The following NDRG4 variants were observed in gnomAD, a reference collection of about 807,000 sequenced individuals.
NDRG4 encodes the protein protein NDRG4.
In NDRG4, 38 loss-of-function variants were observed where a neutral mutation model predicts 55.8. The observed-to-expected ratio is 0.68, with a 90% CI of 0.53 to 0.89. The LOEUF (loss-of-function observed/expected upper bound fraction) is 0.89. NDRG4 is among the 40% of genes least tolerant of loss of function. NDRG4 has a pLI of 0.00. For missense variants in NDRG4, 455 were observed against 468.6 expected (o/e 0.97, Z 0.27); for synonymous variants, 190 against 182.7 (o/e 1.04, Z -0.32).
rs914460296 is a variant in NDRG4, at chr16:58,506,964, G to A, written c.569G>A (p.Gly190Glu). 6.2e-7 allele frequency: 1 copy of A among 1,614,024 alleles called. No homozygotes were observed. The highest frequency in any genetic ancestry group is 1.3e-5 in the African/African-American group (1 of 74,938). Residue 190 changes from glycine to glutamate, a missense_variant, in exon 8 of 15, where the codon GGG (glycine) becomes GAG (glutamate). Physicochemically the swap from Gly to Glu is moderately conservative, Grantham distance 98. Coordinates refer to ENST00000570248, the MANE Select transcript of NDRG4 (RefSeq NM_001242835.2). ...GTGCAGAGCTACCGGCAGCAGATTG[G>A]GAACGTGGTGAACCAGGCCAACCTG... ...ELVQSYRQQI[G>E]NVVNQANLQL... is the part of the protein sequence containing the mutation.
intron 1 of NDRG4, among the ~76,000 whole-genome samples, chr16:58,487,452 G>A (rs114562295): frequency 0.017 from 2,577 of 152,216 alleles, 78 homozygotes; most frequent in African/African-American, 0.059. Flanking sequence ...CTCAGGAGGC[G>A]AAGGTTGCAG....
rs747581775 is a variant in NDRG4, at chr16:58,504,584, A to C, written c.312-5A>C. The C allele has an allele frequency of 1.9e-6, 3 of 1,614,066 alleles. No individual in the cohort carries two copies. Among genetic ancestry groups the C allele is most frequent in the African/African-American group, 1.3e-5 (1 of 74,932 alleles). ...CCCTAGAGTGACCAGCCTGCTCTGC[A>C]CCAGGTTCAAGTATGTGATTGGCAT... On this transcript the variant is annotated splice_region_variant and splice_polypyrimidine_tract_variant and intron_variant, in intron 4 of 14. Coordinates refer to ENST00000570248, the MANE Select transcript of NDRG4 (RefSeq NM_001242835.2).
At position 58,503,913 on chromosome 16, in the gene NDRG4, G is replaced by A. The variant is rs2037488979; in HGVS notation, c.127+10G>A. The A allele has an allele frequency of 1.2e-6, 2 of 1,613,154 alleles. No homozygotes were observed. The highest frequency in any genetic ancestry group is 2.7e-5 in the African/African-American group (2 of 74,914). ...GATGTGGGCCTCAACCGTAAGTGCAGCCCAGCCTCAGTCAGCCCTCCTCTG... is the reference window on the plus strand; with the variant it reads ...GATGTGGGCCTCAACCGTAAGTGCAACCCAGCCTCAGTCAGCCCTCCTCTG... On this transcript the variant is annotated intron_variant, in intron 2 of 14. Coordinates refer to ENST00000570248, the MANE Select transcript of NDRG4 (RefSeq NM_001242835.2).
chr16:58,479,098 G>A (rs956737844), intron 1 of NDRG4, among the ~76,000 whole-genome samples: 4 of 151,904 alleles, frequency 2.6e-5, no homozygotes, highest in Non-Finnish European at 4.4e-5. Flanking sequence ...GCGTGATCTC[G>A]GCTCACTGCA....
intron 1 of NDRG4, among the ~76,000 whole-genome samples, chr16:58,486,881 A>ACTGAGAC (rs1165291978): frequency 2.6e-5 from 4 of 152,072 alleles, no homozygotes; most frequent in African/African-American, 9.7e-5. Flanking sequence ...GGTGGCCTGA[A>ACTGAGAC]CTGAGACCTG....
At chr16:58,477,445 A>G (rs549686736) in intron 1 of NDRG4, among the ~76,000 whole-genome samples, 1 of 152,336 alleles carries the variant, frequency 6.6e-6, no homozygotes, top group African/African-American at 2.4e-5. Flanking sequence ...TGAAAGCACA[A>G]AAGAGCCACC....
chr16:58,511,366 C>T, intron 14 of NDRG4, 56 bp from the exon 15 acceptor site: 1 of 1,526,346 alleles, frequency 6.6e-7, no homozygotes, highest in Non-Finnish European at 8.8e-7. Flanking sequence ...CTTTTCCCAC[C>T]AGAGGCACCT....
intron 2 of NDRG4, among the ~76,000 whole-genome samples, chr16:58,492,539 TGTGTGTGTGTGTGAGA>T (rs1388858005): frequency 8.6e-4 from 53 of 61,884 alleles, no homozygotes; most frequent in Non-Finnish European, 1.2e-3. Context: ...TGTGTGTGTG[TGTGTGTGTGTGTGAGA>T]GACAGACAGA....
intron 1 of NDRG4, among the ~76,000 whole-genome samples, chr16:58,502,368 G>A (rs992454023): frequency 4.6e-5 from 7 of 152,230 alleles, no homozygotes; most frequent in East Asian, 1.9e-4. Context: ...GCAATCAGCC[G>A]CATGGCTCAC....
At chr16:58,485,947 C>T (rs953990974) in intron 1 of NDRG4, among the ~76,000 whole-genome samples, 1 of 152,118 alleles carries the variant, frequency 6.6e-6, no homozygotes, top group Non-Finnish European at 1.5e-5. Context: ...TTGTTGCCAT[C>T]TCTGGTTTCC....
At chr16:58,495,171 AGG>A (rs2036257827), upstream of NDRG4, among the ~76,000 whole-genome samples, 1 of 152,166 alleles carries the variant, frequency 6.6e-6, no homozygotes, top group African/African-American at 2.4e-5. Flanking sequence ...TGCGAGCAGC[AGG>A]GAAGAGACGG....
intron 1 of NDRG4, chr16:58,465,209 G>A (rs768919736): frequency 4.9e-6 from 4 of 811,784 alleles, no homozygotes; most frequent in South Asian, 2.8e-5. Flanking sequence ...TGCTCCATCC[G>A]TGTATGTCAG....
In NDRG4 at chr16:58,512,044, T is replaced by C. The variant is rs889600382; in HGVS notation, c.*468T>C. 15 of 457,654 alleles carry C rather than the reference T, an allele frequency of 3.3e-5. No individual in the cohort carries two copies. The highest frequency in any genetic ancestry group is 6.1e-5 in the Non-Finnish European group (14 of 227,754). The allele number at this position is 457,654 out of a possible 1,614,324, so 28.3% of individuals were successfully genotyped here. On this transcript the variant is annotated 3_prime_UTR_variant, in exon 15 of 15. Coordinates refer to ENST00000570248, the MANE Select transcript of NDRG4 (RefSeq NM_001242835.2). Reference sequence around the variant, plus strand: ...ACCAAGCACACCTGTTTCTGTCTCATAGCACATGTGACAATCATCTGGACA... The same window carrying C: ...ACCAAGCACACCTGTTTCTGTCTCACAGCACATGTGACAATCATCTGGACA...
chr16:58,485,208 T>C (rs1284482722), intron 1 of NDRG4, among the ~76,000 whole-genome samples: 2 of 152,184 alleles, frequency 1.3e-5, no homozygotes, highest in Admixed American at 6.5e-5. Context: ...AAGAAACTTC[T>C]CTGCCACCGT....
rs1355668600 is a variant in NDRG4 at position 58,464,049 on chromosome 16, C to A, written c.-24+252C>A. The A allele has an allele frequency of 1.0e-5, 2 of 195,158 alleles. No homozygotes were observed. Among genetic ancestry groups the A allele is most frequent in the Non-Finnish European group, 2.1e-5 (2 of 96,542 alleles). The allele number at this position is 195,158 out of a possible 1,614,324, so 12.1% of individuals were successfully genotyped here. A position where few individuals can be genotyped will look rare whatever the true frequency, so the allele number is the denominator to read the frequency against. ...GGCCGCGCTGGGGACCCCCAGCCGC[C>A]GTCCGCGACCCCCCACCGCGACGCC... On this transcript the variant is annotated intron_variant, in intron 1 of 15. Transcript: ENST00000258187. The surrounding 1 kb of genome is among the most constrained non-coding windows in gnomAD (Gnocchi z 4.8).
chr16:58,514,008 A>G (rs1255745937), downstream of NDRG4, among the ~76,000 whole-genome samples: 2 of 152,164 alleles, frequency 1.3e-5, no homozygotes, highest in Admixed American at 1.3e-4. Context: ...AATGCCTTAA[A>G]GACAAAACAA....
Position 58,504,379 on chromosome 16 carries a change from A to G in NDRG4, c.269A>G (p.Glu90Gly), listed in dbSNP as rs773321994. 1.2e-6 allele frequency: 2 copies of G among 1,613,202 alleles called. No individual in the cohort carries two copies. Among genetic ancestry groups the G allele is most frequent in the Admixed American group, 3.3e-5 (2 of 60,026 alleles). ...TGCAGGTACCAGTTCCCCTCCATGGAGCAGCTGGCTGCCATGCTCCCCAGC... is the reference window on the plus strand; with the variant it reads ...TGCAGGTACCAGTTCCCCTCCATGGGGCAGCTGGCTGCCATGCTCCCCAGC... Reference protein sequence around the residue: ...FPQGYQFPSMEQLAAMLPSVV... With the variant: ...FPQGYQFPSMGQLAAMLPSVV... The change falls in exon 4 of 15, where the codon GAG becomes GGG. Residue 90 changes from glutamate (E) to glycine (G), a missense_variant. Glu to Gly is a moderately conservative substitution (Grantham distance 98). Transcript: ENST00000570248.
Position 58,491,123 on chromosome 16 carries a change from A to G in NDRG4, c.72+3273A>G, listed in dbSNP as rs201040221. On this transcript the variant is annotated intron_variant, in intron 2 of 15. Coordinates refer to the NDRG4 transcript ENST00000258187. ...GAAACCCTGTCTCTACTAAAAATAC[A>G]AAATTAGCCAGATGTGGTGGTGAGC... Among the ~76,000 whole-genome samples, 6 of 151,646 alleles carry G rather than the reference A, an allele frequency of 4.0e-5. No homozygotes were observed. The East Asian group carries it at 1.2e-3, about 30-fold the overall frequency.
intron 1 of NDRG4, among the ~76,000 whole-genome samples, chr16:58,471,771 G>C (rs929332782): frequency 3.9e-5 from 6 of 152,192 alleles, no homozygotes; most frequent in African/African-American, 1.2e-4. Flanking sequence ...TCGGGCAGGT[G>C]CTGTGTGCCT....
Sources: gnomAD v4.1 joint callset for allele counts (sites outside exome capture counted in the v4.1 genomes callset) on GRCh38, gnomAD v4.1.1 for gene constraint, Gnocchi (gnomAD v3.1) non-coding constraint, MANE v1.5 for transcripts, NCBI Gene and HGNC (gene_info 2026-07-23, HGNC 2026-07-21) for gene names.